Variants in RORA observed in about 807,000 individuals in gnomAD.
RORA encodes the protein nuclear receptor ROR-alpha.
In RORA, 7 loss-of-function variants were observed where a neutral mutation model predicts 69.5. The observed-to-expected ratio is 0.10, with a 90% CI of 0.06 to 0.19. The LOEUF (loss-of-function observed/expected upper bound fraction) is 0.19. Among genes scored for constraint, RORA ranks in the 10% least tolerant of loss-of-function variants. RORA has a pLI of 1.00. For missense variants in RORA, 457 were observed against 663.0 expected (o/e 0.69, Z 3.41); for synonymous variants, 261 against 240.8 (o/e 1.08, Z -0.78).
chr15:60,713,290 T>C (rs2071170230), intron 1 of RORA, among the ~76,000 whole-genome samples: 1 of 152,250 alleles, frequency 6.6e-6, no homozygotes, highest in East Asian at 1.9e-4. Flanking sequence ...AGAGGTCACT[T>C]GGTTTGAGGA....
chr15:60,640,417 A>G (rs548457556), intron 2 of RORA, among the ~76,000 whole-genome samples: 8 of 152,284 alleles, frequency 5.3e-5, no homozygotes, highest in African/African-American at 1.9e-4. Flanking sequence ...TTTTAAACCC[A>G]GTGCAATCCA....
chr15:60,652,115 T>A (rs1248559308), intron 2 of RORA, among the ~76,000 whole-genome samples: 2 of 152,078 alleles, frequency 1.3e-5, no homozygotes, highest in African/African-American at 4.8e-5. Flanking sequence ...ACTGCCTTTT[T>A]TTTTTTTTCC....
At chr15:60,928,384 G>C (rs891133234) in intron 1 of RORA, among the ~76,000 whole-genome samples, 1 of 152,264 alleles carries the variant, frequency 6.6e-6, no homozygotes, top group Non-Finnish European at 1.5e-5. Context: ...GTGCTAATCA[G>C]CTCCTGAAAA....
At chr15:60,733,007 C>T (rs775433349) in intron 1 of RORA, among the ~76,000 whole-genome samples, 33 of 152,150 alleles carry the variant, frequency 2.2e-4, no homozygotes, top group Admixed American at 6.5e-4. Flanking sequence ...CCTTGGGGAC[C>T]GTGTGGAAAA....
chr15:61,067,457 C>T (rs1040413737), intron 1 of RORA, among the ~76,000 whole-genome samples: 3 of 152,118 alleles, frequency 2.0e-5, no homozygotes, highest in African/African-American at 7.2e-5. Context: ...CTTAAAACTG[C>T]CTCTAATGAT....
At chr15:60,999,874 G>A (rs28643357) in intron 1 of RORA, among the ~76,000 whole-genome samples, 31,427 of 152,102 alleles carry the variant, frequency 0.21, 3,602 homozygotes, top group African/African-American at 0.3. Flanking sequence ...AGATTCTGGA[G>A]GCAAATTCTA....
chr15:60,610,159 C>T (rs1596053883), intron 2 of RORA, among the ~76,000 whole-genome samples: 1 of 151,328 alleles, frequency 6.6e-6, no homozygotes, highest in Non-Finnish European at 1.5e-5. Flanking sequence ...GTGGCAATGT[C>T]CTTTTGAACA....
chr15:61,085,321 G>T (rs917055231), intron 1 of RORA, among the ~76,000 whole-genome samples: 6 of 152,288 alleles, frequency 3.9e-5, no homozygotes, highest in South Asian at 2.1e-4. Flanking sequence ...CAGAAGGCCA[G>T]CACCTACCCT....
At chr15:61,008,518 C>T (rs925792988) in intron 1 of RORA, among the ~76,000 whole-genome samples, 4 of 151,906 alleles carry the variant, frequency 2.6e-5, no homozygotes, top group African/African-American at 9.7e-5. Context: ...CTGGGCTGTT[C>T]CCTGAGGGGT....
At chr15:60,615,186 G>T (rs2069203267) in intron 2 of RORA, among the ~76,000 whole-genome samples, 1 of 152,166 alleles carries the variant, frequency 6.6e-6, no homozygotes, top group Admixed American at 6.5e-5. Context: ...AGAGCTGATG[G>T]CTCTGATTCC....
At chr15:60,938,942 A>G (rs774785173) in intron 1 of RORA, among the ~76,000 whole-genome samples, 13 of 152,240 alleles carry the variant, frequency 8.5e-5, no homozygotes, top group Non-Finnish European at 1.5e-4. Flanking sequence ...CTTCTTAAAC[A>G]AATCAGGCTT....
chr15:60,613,941 T>C (rs1489326778), intron 2 of RORA, among the ~76,000 whole-genome samples: 2 of 142,556 alleles, frequency 1.4e-5, no homozygotes, highest in Non-Finnish European at 3.0e-5. Flanking sequence ...ATGGGGAAAT[T>C]ATGTGAAAAA....
intron 3 of RORA, chr15:60,529,652 A>G (rs2066470452): frequency 6.6e-6 from 1 of 152,208 alleles, no homozygotes; most frequent in African/African-American, 2.4e-5. Context: ...CTTTGGAATA[A>G]TAGATACCTT....
intron 1 of RORA, among the ~76,000 whole-genome samples, chr15:60,800,627 A>C (rs1567195898): frequency 6.6e-6 from 1 of 152,170 alleles, no homozygotes; most frequent in Non-Finnish European, 1.5e-5. Context: ...TGGTGAACTC[A>C]GGGGGCGAGA....
intron 1 of RORA, among the ~76,000 whole-genome samples, chr15:61,038,191 T>C (rs1300874792): frequency 1.3e-5 from 2 of 152,244 alleles, no homozygotes; most frequent in Admixed American, 1.3e-4. Context: ...TGGCAAGTTA[T>C]CGAACGTATT....
intron 1 of RORA, among the ~76,000 whole-genome samples, chr15:61,053,918 T>A (rs2078053776): frequency 7.1e-6 from 1 of 139,966 alleles, no homozygotes; most frequent in Admixed American, 7.4e-5. Context: ...GGAAAAGGAG[T>A]TAGGGACAGT....
chr15:61,170,280 C>T (rs1337735230), intron 1 of RORA, among the ~76,000 whole-genome samples: 1 of 152,162 alleles, frequency 6.6e-6, no homozygotes, highest in Non-Finnish European at 1.5e-5. Flanking sequence ...AGGGAGAAAT[C>T]TGTTTTCTTG....
At chr15:60,522,294 A>G (rs2066195754) in intron 3 of RORA, among the ~76,000 whole-genome samples, 1 of 152,226 alleles carries the variant, frequency 6.6e-6, no homozygotes, top group Admixed American at 6.5e-5. Flanking sequence ...CCTACTCTGT[A>G]TTCTGTGAAA....
At chr15:60,947,417 T>C (rs965216682) in intron 1 of RORA, among the ~76,000 whole-genome samples, 19 of 152,210 alleles carry the variant, frequency 1.2e-4, no homozygotes, top group East Asian at 9.7e-4. Context: ...CTCTGAAACA[T>C]GTGCTGTGTC....
Sources: allele counts gnomAD v4.1 joint callset (sites outside exome capture counted in the v4.1 genomes callset), GRCh38; gene constraint gnomAD v4.1.1; transcripts MANE v1.5; gene names NCBI Gene and HGNC (gene_info 2026-07-23, HGNC 2026-07-21).